The following ANKS1A variants were observed in gnomAD, a reference collection of about 807,000 sequenced individuals.
ANKS1A encodes the protein ankyrin repeat and sterile alpha motif domain containing 1A, also known as ankyrin repeat and SAM domain-containing protein 1A.
A neutral mutation model predicts 120.3 loss-of-function variants in ANKS1A; 55 were observed. That is an observed-to-expected ratio of 0.46 (90% CI 0.37 to 0.57). ANKS1A has a LOEUF of 0.57. Among genes scored for constraint, ANKS1A ranks in the 20% least tolerant of loss-of-function variants. The pLI, the probability that ANKS1A is intolerant of heterozygous loss-of-function variation, is 0.00. For synonymous variants in ANKS1A, 590 were observed against 604.7 expected (o/e 0.98, Z 0.36); for missense variants, 1,123 against 1,480.3 (o/e 0.76, Z 3.96).
intron 1 of ANKS1A, among the ~76,000 whole-genome samples, chr6:34,926,822 T>C (rs926855450): frequency 2.6e-5 from 4 of 152,130 alleles, no homozygotes; most frequent in Non-Finnish European, 5.9e-5. Context: ...TATTAGATAG[T>C]GTGCAACTTT....
Position 35,085,463 on chromosome 6 carries a change from G to T in ANKS1A, c.3133-303G>T, listed in dbSNP as rs1777912280. ...GCACTAGCACCACTTACATTAAATG[G>T]TAAGAAATACCCAAGTACTGCTGCA... On this transcript the variant is annotated intron_variant, in intron 21 of 23. Transcript: ENST00000360359. This position sits in a 1 kb window ranked among gnomAD's most constrained non-coding sequence, Gnocchi z 4.7. Among the ~76,000 whole-genome samples the T allele has an allele frequency of 6.6e-6, 1 of 152,158 alleles. No individual in the cohort carries two copies. Among genetic ancestry groups the T allele is most frequent in the Non-Finnish European group, 1.5e-5 (1 of 68,026 alleles).
At chr6:34,943,128 C>T (rs541869546) in intron 1 of ANKS1A, among the ~76,000 whole-genome samples, 1 of 152,038 alleles carries the variant, frequency 6.6e-6, no homozygotes, top group African/African-American at 2.4e-5. Flanking sequence ...TCACCATGCT[C>T]AGGTAGTTTT....
chr6:34,987,280 C>T (rs540166366), intron 8 of ANKS1A, among the ~76,000 whole-genome samples: 1 of 152,218 alleles, frequency 6.6e-6, no homozygotes, highest in Non-Finnish European at 1.5e-5. Flanking sequence ...ACAGGTATTT[C>T]TCTTTCCTTC....
chr6:34,995,404 A>G (rs943051480), intron 10 of ANKS1A, among the ~76,000 whole-genome samples: 4 of 151,874 alleles, frequency 2.6e-5, no homozygotes, highest in African/African-American at 9.7e-5. Flanking sequence ...TATGGTTTCC[A>G]TTCGGAGCTT....
intron 1 of ANKS1A, among the ~76,000 whole-genome samples, chr6:34,901,079 A>G (rs780314796): frequency 6.6e-6 from 1 of 152,168 alleles, no homozygotes. Flanking sequence ...CCAGTTCAAA[A>G]TGATAAAAAT....
chr6:35,079,233 G>A (rs1236615128), intron 14 of ANKS1A, among the ~76,000 whole-genome samples: 3 of 152,262 alleles, frequency 2.0e-5, no homozygotes, highest in East Asian at 1.9e-4. Context: ...GGAGCTCAGG[G>A]CGGAGGCGTT....
In ANKS1A at chr6:35,005,458, T is replaced by C. The variant is rs556000482; in HGVS notation, c.1423+11036T>C. 9.8e-5 allele frequency among the ~76,000 whole-genome samples: 15 copies of C among 152,338 alleles called. No individual in the cohort carries two copies. In the East Asian group the frequency reaches 1.4e-3, roughly 14 times the overall value. On this transcript the variant is annotated intron_variant, in intron 10 of 23. Transcript: ENST00000360359. ...CTATAATACTTGGCCAAAGTAGTAC[T>C]CAGAGGAAAGTTTATATTCTTAAAT...
At chr6:35,055,292 A>G (rs1170416065) in intron 12 of ANKS1A, among the ~76,000 whole-genome samples, 2 of 151,974 alleles carry the variant, frequency 1.3e-5, no homozygotes, top group East Asian at 1.9e-4. Flanking sequence ...AATAGTGTCA[A>G]CCTCACAGGC....
chr6:35,009,733 T>C (rs575057607), intron 10 of ANKS1A, among the ~76,000 whole-genome samples: 2 of 151,744 alleles, frequency 1.3e-5, no homozygotes, highest in South Asian at 4.2e-4. Flanking sequence ...TGAAACCCCA[T>C]CTCTTCTAAA....
At chr6:35,070,941 C>A in intron 13 of ANKS1A, 1 of 629,956 alleles carries the variant, frequency 1.6e-6, no homozygotes, top group Non-Finnish European at 2.9e-6. Flanking sequence ...TTAACTACTA[C>A]ACAACTGCAA....
intron 1 of ANKS1A, among the ~76,000 whole-genome samples, chr6:34,940,012 G>C (rs542334287): frequency 2.2e-4 from 33 of 152,300 alleles, no homozygotes; most frequent in Admixed American, 1.2e-3. Flanking sequence ...CTTGGTCCTG[G>C]TTAGATGGCC....
chr6:35,030,748 C>A (rs1774868693), intron 11 of ANKS1A, among the ~76,000 whole-genome samples: 1 of 152,180 alleles, frequency 6.6e-6, no homozygotes, highest in South Asian at 2.1e-4. Flanking sequence ...TGCATGCAGT[C>A]CTCCATAATA....
chr6:35,030,846 C>T (rs1385431220), intron 11 of ANKS1A, among the ~76,000 whole-genome samples: 1 of 152,220 alleles, frequency 6.6e-6, no homozygotes, highest in Admixed American at 6.5e-5. Flanking sequence ...AGTTTCTTCT[C>T]TCTCACCTCA....
chr6:34,969,799 A>G (rs1771088864), intron 2 of ANKS1A, among the ~76,000 whole-genome samples: 2 of 152,208 alleles, frequency 1.3e-5, no homozygotes, highest in Admixed American at 1.3e-4. Context: ...ATGAGTCAGC[A>G]TAGCATGGCT....
At chr6:35,040,743 T>C (rs1775415522) in intron 11 of ANKS1A, among the ~76,000 whole-genome samples, 1 of 152,264 alleles carries the variant, frequency 6.6e-6, no homozygotes, top group Non-Finnish European at 1.5e-5. Flanking sequence ...ATGAGATTCC[T>C]ATGCCCTGGC....
chr6:34,938,762 G>A (rs1451137198), intron 1 of ANKS1A, among the ~76,000 whole-genome samples: 1 of 152,214 alleles, frequency 6.6e-6, no homozygotes, highest in Non-Finnish European at 1.5e-5. Context: ...GGCCAAGGCA[G>A]GTGGATCATG....
chr6:34,925,468 TAA>T (rs1768665653), intron 1 of ANKS1A, among the ~76,000 whole-genome samples: 1 of 152,122 alleles, frequency 6.6e-6, no homozygotes, highest in Non-Finnish European at 1.5e-5. Context: ...GAGAGGAGCA[TAA>T]ACTGTTGGAC....
intron 1 of ANKS1A, among the ~76,000 whole-genome samples, chr6:34,929,877 G>A (rs962226483): frequency 7.1e-6 from 1 of 141,308 alleles, no homozygotes; most frequent in Non-Finnish European, 1.5e-5. Context: ...CTCTTTCTCT[G>A]TGTGTTTGTT....
At chr6:35,051,502 C>T (rs1235271937) in intron 11 of ANKS1A, among the ~76,000 whole-genome samples, 3 of 152,324 alleles carry the variant, frequency 2.0e-5, no homozygotes, top group South Asian at 2.1e-4. Context: ...CCTTTCCTTC[C>T]CCAGCACGCT....
Sources: gnomAD v4.1 joint callset for allele counts (sites outside exome capture counted in the v4.1 genomes callset) on GRCh38, gnomAD v4.1.1 for gene constraint, Gnocchi (gnomAD v3.1) non-coding constraint, MANE v1.5 for transcripts, NCBI Gene and HGNC (gene_info 2026-07-23, HGNC 2026-07-21) for gene names.